Variants in CCDC18 observed in about 807,000 individuals in gnomAD.
CCDC18 encodes coiled-coil domain-containing protein 18.
A neutral mutation model predicts 196.0 loss-of-function variants in CCDC18; 157 were observed. The ratio of observed to expected loss-of-function variants is 0.80; its 90% CI spans 0.70 to 0.91. The LOEUF (loss-of-function observed/expected upper bound fraction) is 0.91. Among genes scored for constraint, CCDC18 ranks in the 40% least tolerant of loss-of-function variants. The pLI is 0.00. For synonymous variants in CCDC18, 482 were observed against 529.2 expected (o/e 0.91, Z 1.22); for missense variants, 1,465 against 1,611.6 (o/e 0.91, Z 1.56).
intron 16 of CCDC18, among the ~76,000 whole-genome samples, chr1:93,225,710 G>T (rs1454543100): frequency 6.6e-6 from 1 of 151,608 alleles, no homozygotes. Context: ...CTGGGAGGTA[G>T]AGGTTGCAGT....
chr1:93,271,384 A>C (rs1665244954), intron 28 of CCDC18: 1 of 984,892 alleles, frequency 1.0e-6, no homozygotes, highest in African/African-American at 1.7e-5. Flanking sequence ...TTTAAAAGAA[A>C]GATATATCCC....
chr1:93,216,935 C>CTATTT (rs781629982), intron 13 of CCDC18, among the ~76,000 whole-genome samples, 189 bp downstream of exon 13: 1 of 132,770 alleles, frequency 7.5e-6, no homozygotes. Flanking sequence ...CAAGTTTTCT[C>CTATTT]TTTTTTTTTT....
In CCDC18 at chr1:93,186,386, C is replaced by A. The variant is rs1301420482; in HGVS notation, c.345C>A (p.Ser115Arg). Residue 115 changes from serine to arginine, a missense_variant, in exon 4 of 29, where the codon AGC becomes AGA. Coordinates refer to ENST00000690025, the MANE Select transcript of CCDC18 (RefSeq NM_001378204.1). ...SSAPVDQEIKSLREKLNKLRQ... is the reference protein window; with the variant it reads ...SSAPVDQEIKRLREKLNKLRQ... Reference sequence around the variant, plus strand: ...CCCCTGTGGATCAGGAGATTAAAAGCCTTCGAGAGAAACTAAATAAACTTA... The same window carrying A: ...CCCCTGTGGATCAGGAGATTAAAAGACTTCGAGAGAAACTAAATAAACTTA... 1.2e-6 allele frequency: 2 copies of A among 1,611,864 alleles called. No individual in the cohort carries two copies. Among genetic ancestry groups the A allele is most frequent in the Admixed American group, 1.7e-5 (1 of 59,838 alleles).
intron 6 of CCDC18, among the ~76,000 whole-genome samples, chr1:93,198,932 C>T (rs1020209896): frequency 6.6e-6 from 1 of 152,168 alleles, no homozygotes; most frequent in African/African-American, 2.4e-5. Context: ...TAGGCATGAG[C>T]CACTGTGCCT....
chr1:93,222,909 C>T lies in CCDC18; in HGVS notation c.2175+973C>T, dbSNP rs369704478. 5.8e-3 allele frequency among the ~76,000 whole-genome samples: 890 copies of T among 152,198 alleles called. 4 individuals are homozygous for T. The highest frequency in any genetic ancestry group is 9.9e-3 in the Non-Finnish European group (674 of 67,984). On this transcript the variant is annotated intron_variant, in intron 16 of 28. Transcript: ENST00000690025. ...ATATAAAAGATTTGCTTTAAAGATA[C>T]GATGTTATTTTTTCCCTATTCTGTT... is the stretch of plus-strand genomic sequence containing the variant.
chr1:93,183,653 A>C (rs1650131478), intron 2 of CCDC18, among the ~76,000 whole-genome samples, 158 bp downstream of exon 2: 2 of 152,078 alleles, frequency 1.3e-5, no homozygotes, highest in Admixed American at 6.5e-5. Context: ...GGGAAAAATA[A>C]GGAATATTAG....
chr1:93,209,145 A>T (rs142274203), intron 9 of CCDC18, among the ~76,000 whole-genome samples: 1 of 151,992 alleles, frequency 6.6e-6, no homozygotes, highest in Non-Finnish European at 1.5e-5. Context: ...TTTAGTAGAG[A>T]CAGGGTTTCT....
chr1:93,240,899 TTC>T (rs1270047520), intron 21 of CCDC18, among the ~76,000 whole-genome samples: 2 of 152,200 alleles, frequency 1.3e-5, no homozygotes, highest in Admixed American at 6.5e-5. Context: ...ATTTTTCTTG[TTC>T]TCTCTTTCCA....
At chr1:93,255,111 C>A (rs1662783512) in intron 24 of CCDC18, among the ~76,000 whole-genome samples, 1 of 151,784 alleles carries the variant, frequency 6.6e-6, no homozygotes, top group Non-Finnish European at 1.5e-5. Flanking sequence ...TGCCACCACG[C>A]CTGGCTAATT....
At position 93,257,249 on chromosome 1, in the gene CCDC18, AAAAAAAAAAAC is replaced by A. The variant is rs1382093213; in HGVS notation, c.3546+713_3546+723del. Among the ~76,000 whole-genome samples, 3 of 145,192 alleles carry A rather than the reference AAAAAAAAAAAC, an allele frequency of 2.1e-5. No homozygotes were observed. In the South Asian group the frequency reaches 6.3e-4, roughly 31 times the overall value. On this transcript the variant is annotated intron_variant, in intron 25 of 28. Coordinates refer to ENST00000690025, the MANE Select transcript of CCDC18 (RefSeq NM_001378204.1). ...TCCATCTCAAAAAAAAAAAAAAAAA[AAAAAAAAAAAC>A]ATGAAAACTATCCAAATTTGTAACT...
At position 93,239,468 on chromosome 1, in the gene CCDC18, A is replaced by T; in HGVS notation, c.2762A>T (p.Asn921Ile). 7 of 1,608,376 alleles carry T rather than the reference A, an allele frequency of 4.4e-6. No individual in the cohort carries two copies. The highest frequency in any genetic ancestry group is 5.9e-6 in the Non-Finnish European group (7 of 1,178,104). ...QTKTELEKKT[N>I]AVKELEKLQH... is the part of the protein sequence containing the mutation. ...AAGACAGAGCTAGAAAAGAAAACAA[A>T]TGCTGGTAAGCAAGTGGTTAGATGA... Residue 921 changes from asparagine (N) to isoleucine (I), a missense_variant, in exon 20 of 29, where the codon AAT becomes ATT. Asn to Ile is a moderately radical substitution (Grantham distance 149). Transcript: ENST00000690025.
intron 7 of CCDC18, among the ~76,000 whole-genome samples, chr1:93,204,163 G>C (rs1242245773): frequency 1.3e-5 from 2 of 151,994 alleles, no homozygotes; most frequent in African/African-American, 4.8e-5. Flanking sequence ...GAAGATGCTA[G>C]AATTATAAGG....
chr1:93,273,064 G>GCTTTT (rs892257232), intron 28 of CCDC18, among the ~76,000 whole-genome samples: 4 of 149,974 alleles, frequency 2.7e-5, no homozygotes, highest in Admixed American at 6.6e-5. Flanking sequence ...TTTATCAATT[G>GCTTTT]CTTTTCTTTT....
chr1:93,196,499 C>G (rs1293050150), intron 6 of CCDC18, among the ~76,000 whole-genome samples: 1 of 152,062 alleles, frequency 6.6e-6, no homozygotes, highest in Admixed American at 6.6e-5. Context: ...AGACTCTAAA[C>G]CAGCAAGATA....
chr1:93,243,228 T>C (rs936197860), intron 21 of CCDC18, among the ~76,000 whole-genome samples: 11 of 152,236 alleles, frequency 7.2e-5, no homozygotes, highest in African/African-American at 2.4e-5. Context: ...GAAATCTAGG[T>C]GGAGGTTCCC....
At position 93,205,584 on chromosome 1, in the gene CCDC18, G is replaced by T. The variant is rs1335092932; in HGVS notation, c.870G>T (p.Arg290Ser). 4 of 1,597,940 alleles carry T rather than the reference G, an allele frequency of 2.5e-6. No individual in the cohort carries two copies. Among genetic ancestry groups the T allele is most frequent in the Admixed American group, 1.7e-5 (1 of 58,314 alleles). ...CEKENKRLQERCGLYKSELEI... is the reference protein window; with the variant it reads ...CEKENKRLQESCGLYKSELEI... ...AAGAAAATAAAAGGCTACAAGAAAG[G>T]TGTGGTCTATATAAAAGTGAACTTG... The change falls in exon 8 of 29, where the codon AGG becomes AGT. Residue 290 changes from arginine to serine, a missense_variant. By Grantham distance (110) the Arg-to-Ser change is moderately radical. Coordinates refer to ENST00000690025, the MANE Select transcript of CCDC18 (RefSeq NM_001378204.1).
rs753084191 is a variant in CCDC18 at position 93,278,508 on chromosome 1, T to C, written c.*31T>C. The C allele has an allele frequency of 2.4e-6, 3 of 1,256,664 alleles. No homozygotes were observed. In the South Asian group the frequency reaches 5.6e-5, roughly 23 times the overall value. The allele number at this position is 1,256,664 out of a possible 1,614,324, so 77.8% of individuals were successfully genotyped here. A position where few individuals can be genotyped will look rare whatever the true frequency, so the allele number is the denominator to read the frequency against. ...AGAAGATACTGATGTGTTGAAAAAA[T>C]GGAATTTTTGGTACTGTGCTGTTTA... On this transcript the variant is annotated 3_prime_UTR_variant, in exon 29 of 29. Transcript: ENST00000690025.
At chr1:93,267,082 A>G (rs1033698705) in intron 27 of CCDC18, among the ~76,000 whole-genome samples, 2 of 152,182 alleles carry the variant, frequency 1.3e-5, no homozygotes, top group Non-Finnish European at 2.9e-5. Flanking sequence ...AGCACATCAA[A>G]AAGCTTATCC....
intron 21 of CCDC18, among the ~76,000 whole-genome samples, chr1:93,241,112 G>C (rs1000981749): frequency 1.3e-5 from 2 of 151,908 alleles, no homozygotes; most frequent in Non-Finnish European, 2.9e-5. Flanking sequence ...CTGCCACCAC[G>C]CCTGGCTAAT....
Sources: allele counts gnomAD v4.1 joint callset (sites outside exome capture counted in the v4.1 genomes callset), GRCh38; gene constraint gnomAD v4.1.1; transcripts MANE v1.5; gene names NCBI Gene and HGNC (gene_info 2026-07-23, HGNC 2026-07-21).